PRSS36: variants seen among roughly 807,000 people sequenced by gnomAD.
PRSS36 encodes the protein serine protease 36.
In PRSS36, 90 loss-of-function variants were observed where a neutral mutation model predicts 94.3. That is an observed-to-expected ratio of 0.95 (90% CI 0.80 to 1.14). The LOEUF (loss-of-function observed/expected upper bound fraction) is 1.14. PRSS36 is among the 50% of genes most tolerant of loss of function. The pLI is 0.00. For synonymous variants in PRSS36, 500 were observed against 489.6 expected, an observed-to-expected ratio of 1.02 and a Z score of -0.28; for missense variants, 1,158 against 1,135.0, an observed-to-expected ratio of 1.02 and a Z score of -0.29.
At chr16:31,143,016 C>A (rs1175099814) in intron 8 of PRSS36, 23 bp from the exon 9 acceptor site, 3 of 1,372,940 alleles carry the variant, frequency 2.2e-6, no homozygotes, top group Non-Finnish European at 2.8e-6. Flanking sequence ...GGCCGAGGGA[C>A]GTGGGCCGGA....
intron 12 of PRSS36, 36 bp from the exon 13 acceptor site, chr16:31,140,793 T>C: frequency 6.2e-7 from 1 of 1,606,154 alleles, no homozygotes; most frequent in South Asian, 1.1e-5. Flanking sequence ...CTTCTGCTCC[T>C]CCCATTGCTG....
In PRSS36 at chr16:31,149,490, G is replaced by T. The variant is rs2057862858; in HGVS notation, c.82C>A (p.Pro28Thr). The T allele has an allele frequency of 6.2e-7, 1 of 1,614,150 alleles. No individual in the cohort carries two copies. The highest frequency in any genetic ancestry group is 8.5e-7 in the Non-Finnish European group (1 of 1,180,020). ...PGAFQDSALS[P>T]TQEEPEDLDC... is the part of the protein sequence containing the mutation. ...AGATCTTCAGGTTCTTCCTGGGTAG[G>T]ACTGAGAGCTGGGAGCCAGAGGGGA... Residue 28 changes from proline to threonine, a missense_variant, in exon 3 of 15, where the codon CCT (proline) becomes ACT (threonine). By Grantham distance (38) the Pro-to-Thr change is conservative (BLOSUM62 -1). Transcript: ENST00000268281.
At position 31,143,635 on chromosome 16, in the gene PRSS36, G is replaced by C. The variant is rs748224805; in HGVS notation, c.923C>G (p.Ser308Ter). 2.5e-6 allele frequency: 4 copies of C among 1,614,208 alleles called. No individual in the cohort carries two copies. Among genetic ancestry groups the C allele is most frequent in the Non-Finnish European group, 3.4e-6 (4 of 1,180,036 alleles). The change falls in exon 7 of 15, where the codon TCA (serine) becomes TGA (stop). Residue 308 changes from serine (S) to a stop codon, truncating the protein, a stop_gained. Coordinates refer to ENST00000268281, the MANE Select transcript of PRSS36 (RefSeq NM_173502.5). LOFTEE classifies it high-confidence loss of function. Reference protein sequence around the residue: ...AFPTQPQKTQSDPQEPREENC... With the variant: ...AFPTQPQKTQ ...CTCCTCCCTGGGCTCCTGGGGATCT[G>C]ACTGGGTCTTCTGGGGCTGGGTGGG...
intron 6 of PRSS36, among the ~76,000 whole-genome samples, chr16:31,144,697 G>A (rs1018777760): frequency 6.6e-6 from 1 of 152,224 alleles, no homozygotes; most frequent in Non-Finnish European, 1.5e-5. Context: ...GGGTGAGCCA[G>A]GAGAATTGCT....
At chr16:31,142,392 G>A (rs2057712246) in intron 10 of PRSS36, 89 bp downstream of exon 10, 1 of 1,339,566 alleles carries the variant, frequency 7.5e-7, no homozygotes, top group African/African-American at 1.5e-5. Context: ...TCTCCCTAGA[G>A]CCCACTTGGA....
rs148038859 is a variant in PRSS36, at chr16:31,141,815, C to T, written c.1667G>A (p.Gly556Glu). ...GGCTAGCTGGTCCTCCAGGTAGGCTCCCCGAGTCACATGGCTGATCCATGG... is the reference window on the plus strand; with the variant it reads ...GGCTAGCTGGTCCTCCAGGTAGGCTTCCCGAGTCACATGGCTGATCCATGG... ...HGPWISHVTRGAYLEDQLAWD... is the reference protein window; with the variant it reads ...HGPWISHVTREAYLEDQLAWD... The change falls in exon 11 of 15, where the codon GGA becomes GAA. Residue 556 changes from glycine to glutamate, a missense_variant. By Grantham distance (98) the Gly-to-Glu change is moderately conservative. Transcript: ENST00000268281. The T allele has an allele frequency of 3.5e-5, 57 of 1,614,120 alleles. No individual in the cohort carries two copies. The East Asian group carries it at 1.0e-3, about 29-fold the overall frequency.
intron 5 of PRSS36, 123 bp from the exon 6 acceptor site, chr16:31,146,078 C>T: frequency 1.2e-6 from 1 of 816,702 alleles, no homozygotes; most frequent in Non-Finnish European, 1.9e-6. Flanking sequence ...GGCCTCTCAG[C>T]CCACCACATT....
chr16:31,148,704 A>G (rs757816765), intron 4 of PRSS36, 29 bp from the exon 5 acceptor site: 2 of 1,609,902 alleles, frequency 1.2e-6, no homozygotes, highest in Non-Finnish European at 1.7e-6. Context: ...GTAGGAGGTT[A>G]GGTTGACCCT....
chr16:31,143,105 A>G, intron 8 of PRSS36, 112 bp from the exon 9 acceptor site: 3 of 1,355,054 alleles, frequency 2.2e-6, no homozygotes, highest in Non-Finnish European at 2.9e-6. Flanking sequence ...CGGGATCCCC[A>G]CGACACCCCC....
intron 6 of PRSS36, among the ~76,000 whole-genome samples, chr16:31,145,421 A>T (rs2057783699): frequency 1.3e-5 from 2 of 151,266 alleles, no homozygotes; most frequent in South Asian, 2.1e-4. Flanking sequence ...AATAAATTAA[A>T]TAAATAAATA....
At position 31,149,142 on chromosome 16, in the gene PRSS36, C is replaced by T. The variant is rs377142899; in HGVS notation, c.203G>A (p.Gly68Asp). 9.4e-5 allele frequency: 148 copies of T among 1,580,618 alleles called. No individual in the cohort carries two copies. The highest frequency in any genetic ancestry group is 1.2e-4 in the Non-Finnish European group (139 of 1,164,598). ...GAGGGAGCCCCCGCAGATGTGGCCA[C>T]CTCCATGGTGCAGGCTCACTTGCCA... ...WPWQVSLHHG[G>D]GHICGGSLIA... Residue 68 changes from glycine to aspartate, a missense_variant, in exon 4 of 15, where the codon GGT becomes GAT. Gly to Asp is a moderately conservative substitution (Grantham distance 94). Transcript: ENST00000268281.
Position 31,141,961 on chromosome 16 carries a change from C to A in PRSS36, c.1522-1G>T. 6.2e-7 allele frequency: 1 copy of A among 1,613,902 alleles called. No individual in the cohort carries two copies. On this transcript the variant is annotated splice_acceptor_variant, in intron 10 of 14. Coordinates refer to ENST00000268281, the MANE Select transcript of PRSS36 (RefSeq NM_173502.5). LOFTEE classifies it high-confidence loss of function. ...ACAAAAGGCTCCAACGCGAGTCATT[C>A]TGCAGCAACAAAGTGTGTGTGTTAC... is the stretch of plus-strand genomic sequence containing the variant.
At position 31,141,806 on chromosome 16, in the gene PRSS36, A is replaced by G. The variant is rs776570470; in HGVS notation, c.1676T>C (p.Leu559Pro). 6.2e-7 allele frequency: 1 copy of G among 1,614,160 alleles called. No individual in the cohort carries two copies. Among genetic ancestry groups the G allele is most frequent in the East Asian group, 2.2e-5 (1 of 44,886 alleles). ...CCAATCCCAGGCTAGCTGGTCCTCC[A>G]GGTAGGCTCCCCGAGTCACATGGCT... ...WISHVTRGAY[L>P]EDQLAWDWGP... is the part of the protein sequence containing the mutation. The change falls in exon 11 of 15, where the codon CTG becomes CCG. Residue 559 changes from leucine (L) to proline (P), a missense_variant. Leu to Pro is a moderately conservative substitution (Grantham distance 98). Coordinates refer to ENST00000268281, the MANE Select transcript of PRSS36 (RefSeq NM_173502.5).
chr16:31,145,864 G>C lies in PRSS36; in HGVS notation c.645C>G (p.Pro215=). ...TCQCLYSQPG[P]FNLTLQILPG... Reference sequence around the variant, plus strand: ...GCAATATCTGGAGAGTGAGGTTGAAGGGACCGGGCTGGCTGTAGAGACATT... The same window carrying C: ...GCAATATCTGGAGAGTGAGGTTGAACGGACCGGGCTGGCTGTAGAGACATT... Residue 215 remains proline (P), a synonymous_variant, in exon 6 of 15, where the codon CCC becomes CCG. Transcript: ENST00000268281. 1.2e-6 allele frequency: 2 copies of C among 1,614,152 alleles called. No homozygotes were observed. The highest frequency in any genetic ancestry group is 1.7e-6 in the Non-Finnish European group (2 of 1,180,022).
intron 10 of PRSS36, 46 bp downstream of exon 10, chr16:31,142,435 A>C: frequency 1.4e-6 from 2 of 1,412,852 alleles, no homozygotes; most frequent in Non-Finnish European, 1.8e-6. Context: ...CTCTTCCTAG[A>C]GCCCTCTCGG....
intron 10 of PRSS36, 92 bp downstream of exon 10, chr16:31,142,389 A>T: frequency 7.6e-7 from 1 of 1,319,928 alleles, no homozygotes. Flanking sequence ...CCCTCTCCCT[A>T]GAGCCCACTT....
chr16:31,146,653 G>A (rs1341984654), intron 5 of PRSS36, among the ~76,000 whole-genome samples: 2 of 152,082 alleles, frequency 1.3e-5, no homozygotes, highest in African/African-American at 2.4e-5. Flanking sequence ...GGGGTGGGGG[G>A]AAGTACAGAC....
chr16:31,143,933 C>A, intron 6 of PRSS36, 96 bp from the exon 7 acceptor site: 1 of 1,488,326 alleles, frequency 6.7e-7, no homozygotes, highest in South Asian at 1.2e-5. Context: ...CACCTTCTCC[C>A]TTCTCCTAGA....
chr16:31,139,341 T>A lies in PRSS36; in HGVS notation c.2365A>T (p.Ser789Cys), dbSNP rs753687103. The A allele has an allele frequency of 3.1e-6, 5 of 1,613,996 alleles. No homozygotes were observed. Among genetic ancestry groups the A allele is most frequent in the Non-Finnish European group, 4.2e-6 (5 of 1,179,958 alleles). The change falls in exon 15 of 15, where the codon AGC becomes TGC. Residue 789 changes from serine to cysteine, a missense_variant. By Grantham distance (112) the Ser-to-Cys change is moderately radical (BLOSUM62 -1). Coordinates refer to ENST00000268281, the MANE Select transcript of PRSS36 (RefSeq NM_173502.5). ...CCAATGGCAGCAAACAGCTCCCGGCTCCCTTGAACAGCCATGCCCACGAGG... is the reference window on the plus strand; with the variant it reads ...CCAATGGCAGCAAACAGCTCCCGGCACCCTTGAACAGCCATGCCCACGAGG... ...WILVGMAVQG[S>C]RELFAAIGPE...
Sources: allele counts gnomAD v4.1 joint callset (sites outside exome capture counted in the v4.1 genomes callset), GRCh38; gene constraint gnomAD v4.1.1; transcripts MANE v1.5; gene names NCBI Gene and HGNC (gene_info 2026-07-23, HGNC 2026-07-21).